Variants in NDNF observed in about 807,000 individuals in gnomAD.
NDNF encodes protein NDNF.
Under a neutral mutation model 42.0 loss-of-function variants are expected in NDNF, and 16 were observed. The observed-to-expected ratio is 0.38, with a 90% confidence interval of 0.26 to 0.58. The LOEUF (loss-of-function observed/expected upper bound fraction) is 0.58. Among genes scored for constraint, NDNF ranks in the 20% least tolerant of loss-of-function variants. The probability of loss-of-function intolerance (pLI) is 0.67; values close to 1 mark genes in which losing one functional copy is unlikely to be tolerated. For synonymous variants in NDNF, 248 were observed against 251.7 expected (o/e 0.99, Z 0.14); for missense variants, 616 against 666.2 (o/e 0.92, Z 0.83).
At chr4:121,054,466 AC>A (rs898900582) in intron 1 of NDNF, among the ~76,000 whole-genome samples, 2 of 152,254 alleles carry the variant, frequency 1.3e-5, no homozygotes, top group African/African-American at 4.8e-5. Context: ...ACAAGAAAAT[AC>A]TATTGCTGCT....
Position 121,036,444 on chromosome 4 carries a change from C to T in NDNF, c.1527G>A (p.Lys509=). ...AATATTTACAGAGGACCTTTTCTGA[C>T]TTCTTCCTTATATCTGGTCCTAGAC... ...NQCLGPDIRK[K]SEKVLCKYFH... is the part of the protein sequence containing the mutation. The change falls in exon 4 of 4, where the codon AAG becomes AAA. Residue 509 remains lysine, a synonymous_variant. Coordinates refer to ENST00000379692, the MANE Select transcript of NDNF (RefSeq NM_024574.4). 3 of 1,614,192 alleles carry T rather than the reference C, an allele frequency of 1.9e-6. No individual in the cohort carries two copies. The highest frequency in any genetic ancestry group is 2.5e-6 in the Non-Finnish European group (3 of 1,180,032).
intron 1 of NDNF, among the ~76,000 whole-genome samples, chr4:121,056,921 G>T (rs886324163): frequency 6.6e-6 from 1 of 152,124 alleles, no homozygotes; most frequent in Admixed American, 6.5e-5. Flanking sequence ...CCACCAATAA[G>T]GCAGTGACAA....
chr4:121,058,910 G>A (rs571159191), intron 1 of NDNF, among the ~76,000 whole-genome samples: 3 of 151,666 alleles, frequency 2.0e-5, no homozygotes, highest in East Asian at 1.9e-4. Flanking sequence ...TCCCATTACC[G>A]AGAGGATGAA....
chr4:121,058,913 A>T (rs1446698529), intron 1 of NDNF, among the ~76,000 whole-genome samples: 4 of 151,796 alleles, frequency 2.6e-5, no homozygotes, highest in African/African-American at 9.7e-5. Flanking sequence ...CATTACCGAG[A>T]GGATGAAGTC....
chr4:121,055,833 A>C (rs1318920663), intron 1 of NDNF, among the ~76,000 whole-genome samples: 1 of 152,150 alleles, frequency 6.6e-6, no homozygotes, highest in Non-Finnish European at 1.5e-5. Flanking sequence ...GCACCCCAGA[A>C]GTTGCTTCTT....
At chr4:121,046,970 C>T (rs1727105337) in intron 1 of NDNF, among the ~76,000 whole-genome samples, 1 of 152,074 alleles carries the variant, frequency 6.6e-6, no homozygotes, top group African/African-American at 2.4e-5. Context: ...TTTGACTTAA[C>T]ATACATCAGG....
intron 3 of NDNF, 80 bp from the exon 4 acceptor site, chr4:121,037,737 AT>A: frequency 1.0e-6 from 1 of 1,002,004 alleles, no homozygotes; most frequent in Non-Finnish European, 1.4e-6. Context: ...CTTTTATCTT[AT>A]TTTTTCTCCG....
chr4:121,067,329 C>A (rs1727516434), intron 1 of NDNF, among the ~76,000 whole-genome samples: 1 of 151,992 alleles, frequency 6.6e-6, no homozygotes, highest in Admixed American at 6.5e-5. Context: ...TTAGAGTTTT[C>A]ATAAGTGAAG....
intron 2 of NDNF, among the ~76,000 whole-genome samples, chr4:121,043,476 A>G (rs531979751): frequency 6.6e-6 from 1 of 152,224 alleles, no homozygotes; most frequent in East Asian, 1.9e-4. Context: ...ATTTTTTCCT[A>G]TTGTGGATAC....
At position 121,037,290 on chromosome 4, in the gene NDNF, C is replaced by T; in HGVS notation, c.681G>A (p.Val227=). Residue 227 remains valine (V), a synonymous_variant, in exon 4 of 4, where the codon GTG becomes GTA. Transcript: ENST00000379692. ...CATCATCTGCACTCAGTTTTGCTTC[C>T]ACTGCACAGAGACTTTTGAAATTGT... The part of the protein sequence containing the change: ...KEHNFKSLCA[V]EAKLSADDAF... 1 of 1,614,054 alleles carries T rather than the reference C, an allele frequency of 6.2e-7. No homozygotes were observed.
chr4:121,041,048 A>G (rs1048600261), intron 2 of NDNF, among the ~76,000 whole-genome samples: 3 of 152,228 alleles, frequency 2.0e-5, no homozygotes, highest in Non-Finnish European at 4.4e-5. Context: ...TTTCTCTAAC[A>G]CAGGTTTTCT....
chr4:121,052,572 A>C (rs1325314090), intron 1 of NDNF, among the ~76,000 whole-genome samples: 1 of 152,182 alleles, frequency 6.6e-6, no homozygotes, highest in African/African-American at 2.4e-5. Flanking sequence ...CATCCATGTC[A>C]CATTTGATAA....
chr4:121,068,969 A>G (rs966181845), intron 1 of NDNF, among the ~76,000 whole-genome samples: 2 of 152,232 alleles, frequency 1.3e-5, no homozygotes, highest in African/African-American at 4.8e-5. Context: ...TGACCTCTAG[A>G]TAGGCTGAAG....
intron 1 of NDNF, among the ~76,000 whole-genome samples, chr4:121,046,680 C>A (rs1301782960): frequency 6.6e-6 from 1 of 152,196 alleles, no homozygotes. Flanking sequence ...TCTTAACCTC[C>A]AGCAGAGAGT....
intron 3 of NDNF, among the ~76,000 whole-genome samples, chr4:121,038,359 GATAAAATAAAATAAA>G (rs533558817): frequency 1.1e-4 from 15 of 131,106 alleles, no homozygotes; most frequent in African/African-American, 4.2e-4. Flanking sequence ...CTCAAAATAA[GATAAAATAAAATAAA>G]ATAAAATAAA....
chr4:121,045,953 C>G (rs141090546), intron 1 of NDNF, 115 bp from the exon 2 acceptor site: 11,763 of 953,344 alleles, frequency 0.012, 101 homozygotes, highest in Non-Finnish European at 0.014. Context: ...AGGGACGCAT[C>G]ATGTATTTTG....
chr4:121,043,107 C>A (rs1451593936), intron 2 of NDNF, among the ~76,000 whole-genome samples: 2 of 152,158 alleles, frequency 1.3e-5, no homozygotes, highest in African/African-American at 4.8e-5. Context: ...GAGTGACAAT[C>A]AGAGATGACG....
intron 1 of NDNF, among the ~76,000 whole-genome samples, chr4:121,062,054 T>C (rs1404771616): frequency 6.6e-6 from 1 of 152,196 alleles, no homozygotes; most frequent in African/African-American, 2.4e-5. Context: ...CAACATTTTA[T>C]TCGGCAGCAA....
intron 2 of NDNF, 133 bp from the exon 3 acceptor site, chr4:121,040,187 T>C (rs1447335504): frequency 2.2e-6 from 2 of 914,642 alleles, no homozygotes; most frequent in African/African-American, 3.4e-5. Context: ...TAAAATGTCA[T>C]TGTATTTTCC....
Sources: allele counts gnomAD v4.1 joint callset (sites outside exome capture counted in the v4.1 genomes callset), GRCh38; gene constraint gnomAD v4.1.1; transcripts MANE v1.5; gene names NCBI Gene and HGNC (gene_info 2026-07-23, HGNC 2026-07-21).